The following SERPINI1 variants were observed in gnomAD, a reference collection of about 807,000 sequenced individuals.
SERPINI1 encodes neuroserpin.
SERPINI1 carries 19 observed loss-of-function variants against 41.1 expected under a neutral mutation model. That is an observed-to-expected ratio of 0.46 (90% CI 0.32 to 0.68). The LOEUF (loss-of-function observed/expected upper bound fraction) is 0.68. Ranked by LOEUF, SERPINI1 falls within the 30% of genes least tolerant of loss-of-function variation. The pLI is 0.03. For missense variants in SERPINI1, 460 were observed against 479.2 expected (o/e 0.96, Z 0.37); for synonymous variants, 138 against 156.6 (o/e 0.88, Z 0.89).
intron 1 of SERPINI1, among the ~76,000 whole-genome samples, chr3:167,776,665 G>A (rs1425051126): frequency 2.0e-5 from 3 of 152,192 alleles, no homozygotes; most frequent in African/African-American, 7.2e-5. Flanking sequence ...TTCTAGCTGT[G>A]TCTGCACTGT....
At chr3:167,766,224 T>A (rs1263768555) in intron 1 of SERPINI1, among the ~76,000 whole-genome samples, 39 of 126,058 alleles carry the variant, frequency 3.1e-4, no homozygotes, top group African/African-American at 4.0e-4. Flanking sequence ...GCAATTTACC[T>A]AAAAAAAAAA....
At chr3:167,813,575 C>T (rs1460455267) in intron 6 of SERPINI1, among the ~76,000 whole-genome samples, 1 of 152,088 alleles carries the variant, frequency 6.6e-6, no homozygotes, top group Non-Finnish European at 1.5e-5. Flanking sequence ...GTTGAAAGGT[C>T]GACACATCAG....
chr3:167,792,746 A>G lies in SERPINI1; in HGVS notation c.638A>G (p.Gln213Arg), dbSNP rs1560009998. 6.2e-7 allele frequency: 1 copy of G among 1,613,880 alleles called. No individual in the cohort carries two copies. Among genetic ancestry groups the G allele is most frequent in the Admixed American group, 1.7e-5 (1 of 59,954 alleles). ...ACTAAAGATGATGAAAGTGAAGTCCAAATTCCAATGATGTATCAGCAAGGA... is the reference window on the plus strand; with the variant it reads ...ACTAAAGATGATGAAAGTGAAGTCCGAATTCCAATGATGTATCAGCAAGGA... ...SFTKDDESEV[Q>R]IPMMYQQGEF... The change falls in exon 4 of 9, where the codon CAA (glutamine) becomes CGA (arginine). Residue 213 changes from glutamine to arginine, a missense_variant. Coordinates refer to ENST00000446050, the MANE Select transcript of SERPINI1 (RefSeq NM_001122752.2).
chr3:167,764,196 A>G (rs935567154), intron 1 of SERPINI1, among the ~76,000 whole-genome samples: 38 of 152,292 alleles, frequency 2.5e-4, no homozygotes, highest in African/African-American at 9.1e-4. Flanking sequence ...GAGGACAGCA[A>G]TCAACAGATG....
At chr3:167,781,634 C>CTTTTT (rs757785091) in intron 1 of SERPINI1, among the ~76,000 whole-genome samples, 29 of 81,746 alleles carry the variant, frequency 3.5e-4, no homozygotes, top group East Asian at 6.8e-4. Context: ...TTCTTTTGGC[C>CTTTTT]TTTTTTTTTT....
intron 1 of SERPINI1, among the ~76,000 whole-genome samples, chr3:167,774,284 A>C (rs1726891615): frequency 6.6e-6 from 1 of 152,178 alleles, no homozygotes; most frequent in Admixed American, 6.5e-5. Flanking sequence ...ATGAGATTCA[A>C]GTTAATATTA....
rs1292118197 is a variant in SERPINI1, at chr3:167,792,800, C to G, written c.676+16C>G. ...TTTTATTATGGTAAGACATTTTTTG[C>G]TTTTATTTCTCTCTTCTTGCAGAAT... On this transcript the variant is annotated intron_variant, in intron 4 of 8. Coordinates refer to ENST00000446050, the MANE Select transcript of SERPINI1 (RefSeq NM_001122752.2). 1 of 1,595,976 alleles carries G rather than the reference C, an allele frequency of 6.3e-7. No homozygotes were observed. The highest frequency in any genetic ancestry group is 1.7e-5 in the Admixed American group (1 of 59,852).
intron 1 of SERPINI1, among the ~76,000 whole-genome samples, chr3:167,759,060 G>T (rs1726285823): frequency 6.6e-6 from 1 of 152,062 alleles, no homozygotes; most frequent in Non-Finnish European, 1.5e-5. Context: ...CTTGCCCAAG[G>T]CCACTCATTA....
intron 1 of SERPINI1, among the ~76,000 whole-genome samples, chr3:167,787,276 T>A (rs1271278386): frequency 2.0e-5 from 3 of 152,216 alleles, no homozygotes; most frequent in African/African-American, 2.4e-5. Flanking sequence ...GTATAACAGT[T>A]ATTTTTTTAA....
chr3:167,749,664 C>A (rs1725981622), intron 1 of SERPINI1, among the ~76,000 whole-genome samples: 1 of 152,128 alleles, frequency 6.6e-6, no homozygotes, highest in Non-Finnish European at 1.5e-5. Flanking sequence ...CCTTAGAATG[C>A]AGGAAATAAG....
chr3:167,788,019 C>T (rs908229643), intron 1 of SERPINI1, among the ~76,000 whole-genome samples: 5 of 152,170 alleles, frequency 3.3e-5, no homozygotes, highest in African/African-American at 1.2e-4. Context: ...AATGCATTTG[C>T]TCAATATCAC....
At chr3:167,794,875 A>G (rs533437513) in intron 5 of SERPINI1, 51 bp downstream of exon 5, 19 of 1,474,166 alleles carry the variant, frequency 1.3e-5, no homozygotes, top group African/African-American at 1.1e-4. Context: ...TGGGCTATCA[A>G]TGAAAATCTG....
intron 1 of SERPINI1, among the ~76,000 whole-genome samples, chr3:167,772,333 G>C (rs574920613): frequency 4.6e-5 from 7 of 152,112 alleles, no homozygotes; most frequent in African/African-American, 1.7e-4. Flanking sequence ...CAATTCTCTA[G>C]ATCTTTTACC....
At chr3:167,772,145 G>A (rs1726777323) in intron 1 of SERPINI1, among the ~76,000 whole-genome samples, 1 of 152,128 alleles carries the variant, frequency 6.6e-6, no homozygotes, top group African/African-American at 2.4e-5. Context: ...ATGAGCATTA[G>A]CAATAATTTA....
intron 6 of SERPINI1, among the ~76,000 whole-genome samples, chr3:167,817,238 A>C (rs1338465711): frequency 6.6e-6 from 1 of 152,158 alleles, no homozygotes; most frequent in Non-Finnish European, 1.5e-5. Flanking sequence ...TATGTTGCTA[A>C]GTTTAATTTT....
intron 1 of SERPINI1, among the ~76,000 whole-genome samples, chr3:167,750,798 T>C (rs1437091354): frequency 1.3e-5 from 2 of 152,150 alleles, no homozygotes; most frequent in Non-Finnish European, 2.9e-5. Flanking sequence ...AACATAGTTC[T>C]GCAATATAAT....
chr3:167,762,935 AG>A (rs773291157), intron 1 of SERPINI1, among the ~76,000 whole-genome samples: 34 of 152,214 alleles, frequency 2.2e-4, no homozygotes, highest in Non-Finnish European at 4.1e-4. Flanking sequence ...CAATTCAAGG[AG>A]GGGATGTTGG....
chr3:167,785,140 A>G (rs1351229462), intron 1 of SERPINI1, among the ~76,000 whole-genome samples: 1 of 152,112 alleles, frequency 6.6e-6, no homozygotes, highest in African/African-American at 2.4e-5. Flanking sequence ...GCTACTTGGG[A>G]GGCAGAGGCA....
chr3:167,807,886 G>C (rs1711706317), intron 6 of SERPINI1, among the ~76,000 whole-genome samples: 1 of 152,090 alleles, frequency 6.6e-6, no homozygotes, highest in Non-Finnish European at 1.5e-5. Flanking sequence ...GGAGGCTGAG[G>C]TGGGGGGATC....
Sources: gnomAD v4.1 joint callset for allele counts (sites outside exome capture counted in the v4.1 genomes callset) on GRCh38, gnomAD v4.1.1 for gene constraint, MANE v1.5 for transcripts, NCBI Gene and HGNC (gene_info 2026-07-23, HGNC 2026-07-21) for gene names.